Variants in CEP128 observed in about 807,000 individuals in gnomAD.
CEP128 encodes centrosomal protein 128kDa.
Under a neutral mutation model 156.7 loss-of-function variants are expected in CEP128, and 132 were observed. The observed-to-expected ratio is 0.84, with a 90% confidence interval of 0.73 to 0.97. The LOEUF is 0.97. CEP128 is among the 50% of genes least tolerant of loss of function. CEP128 has a pLI of 0.00. For missense variants in CEP128, 1,252 were observed against 1,281.9 expected, an observed-to-expected ratio of 0.98 and a Z score of 0.36; for synonymous variants, 469 against 448.9, an observed-to-expected ratio of 1.04 and a Z score of -0.57.
intron 23 of CEP128, among the ~76,000 whole-genome samples, chr14:80,522,078 C>A (rs1389693664): frequency 6.6e-6 from 1 of 152,114 alleles, no homozygotes; most frequent in Non-Finnish European, 1.5e-5. Flanking sequence ...CCCATGGTTG[C>A]CACTACTATT....
chr14:80,913,722 G>T (rs7147306), intron 4 of CEP128, among the ~76,000 whole-genome samples: 57,975 of 151,040 alleles, frequency 0.38, 11,386 homozygotes, highest in South Asian at 0.52. Context: ...ACTCAGAAGG[G>T]ACGCAAAGGT....
At chr14:80,772,750 G>A (rs1900582501) in intron 16 of CEP128, among the ~76,000 whole-genome samples, 1 of 152,102 alleles carries the variant, frequency 6.6e-6, no homozygotes, top group African/African-American at 2.4e-5. Flanking sequence ...AGGTTTCAGT[G>A]TGCATGGCAG....
intron 19 of CEP128, among the ~76,000 whole-genome samples, chr14:80,619,196 A>G (rs1566814883): frequency 6.6e-6 from 1 of 152,198 alleles, no homozygotes; most frequent in South Asian, 2.1e-4. Flanking sequence ...AACCCAAATT[A>G]TGTGAAATCC....
intron 21 of CEP128, among the ~76,000 whole-genome samples, chr14:80,535,602 T>C (rs960238784): frequency 9.4e-5 from 14 of 148,766 alleles, no homozygotes; most frequent in Admixed American, 8.0e-4. Flanking sequence ...CGCGCACGCA[T>C]ACATGCACAC....
Position 80,597,678 on chromosome 14 carries a change from T to G in CEP128, c.2807-17255A>C, listed in dbSNP as rs1044697385. Reference sequence around the variant, plus strand: ...AAAAACCGCAGCTTTCTCCTGAGCATAGAAAACACATCTTTTTTAAATAAT... The same window carrying G: ...AAAAACCGCAGCTTTCTCCTGAGCAGAGAAAACACATCTTTTTTAAATAAT... On this transcript the variant is annotated intron_variant, in intron 19 of 24. Coordinates refer to ENST00000555265, the MANE Select transcript of CEP128 (RefSeq NM_152446.5). Among the ~76,000 whole-genome samples the G allele has an allele frequency of 7.9e-5, 12 of 151,092 alleles. No homozygotes were observed. In the East Asian group the frequency reaches 2.3e-3, roughly 29 times the overall value.
intron 20 of CEP128, among the ~76,000 whole-genome samples, chr14:80,573,476 T>C (rs1227453811): frequency 1.3e-5 from 2 of 152,196 alleles, no homozygotes; most frequent in Non-Finnish European, 2.9e-5. Context: ...AATGACCTAG[T>C]CAATCAACTT....
intron 8 of CEP128, among the ~76,000 whole-genome samples, chr14:80,880,878 A>G (rs1013297087): frequency 7.7e-6 from 1 of 130,290 alleles, no homozygotes; most frequent in African/African-American, 3.2e-5. Context: ...TAATAATAAT[A>G]ATAATAATAA....
intron 1 of CEP128, among the ~76,000 whole-genome samples, chr14:80,940,918 T>C (rs1886116881): frequency 6.6e-6 from 1 of 152,228 alleles, no homozygotes; most frequent in Non-Finnish European, 1.5e-5. Flanking sequence ...TGCCAGGCAC[T>C]GTGCTAGATA....
intron 13 of CEP128, among the ~76,000 whole-genome samples, chr14:80,809,146 T>G (rs1208341971): frequency 6.6e-6 from 1 of 151,892 alleles, no homozygotes; most frequent in Non-Finnish European, 1.5e-5. Flanking sequence ...GGGATATAAA[T>G]GAGAAACGTA....
At chr14:80,708,323 T>TA (rs1566869374) in intron 19 of CEP128, among the ~76,000 whole-genome samples, 1 of 152,308 alleles carries the variant, frequency 6.6e-6, no homozygotes, top group East Asian at 1.9e-4. Flanking sequence ...TTTGCATTCC[T>TA]ACAAGCAATG....
At chr14:80,731,560 G>A (rs1040260121) in intron 19 of CEP128, among the ~76,000 whole-genome samples, 1 of 152,104 alleles carries the variant, frequency 6.6e-6, no homozygotes, top group Non-Finnish European at 1.5e-5. Flanking sequence ...AAAATGTGAT[G>A]TAACTAAAAA....
intron 7 of CEP128, among the ~76,000 whole-genome samples, chr14:80,899,666 T>C (rs1883417049): frequency 6.6e-6 from 1 of 152,306 alleles, no homozygotes; most frequent in South Asian, 2.1e-4. Context: ...AATCTACCTC[T>C]TTGCAAAAGT....
chr14:80,606,181 T>C (rs1892770840), intron 19 of CEP128, among the ~76,000 whole-genome samples: 1 of 152,052 alleles, frequency 6.6e-6, no homozygotes, highest in Non-Finnish European at 1.5e-5. Context: ...CATTAACAAA[T>C]TGTCATATTA....
At chr14:80,808,896 TG>T (rs979801515) in intron 13 of CEP128, among the ~76,000 whole-genome samples, 1 of 151,968 alleles carries the variant, frequency 6.6e-6, no homozygotes, top group African/African-American at 2.4e-5. Flanking sequence ...TTCAAAAAGT[TG>T]GAAAAAAACA....
intron 19 of CEP128, among the ~76,000 whole-genome samples, chr14:80,591,119 C>T (rs982979517): frequency 1.3e-5 from 2 of 152,140 alleles, no homozygotes; most frequent in Non-Finnish European, 2.9e-5. Context: ...AAATAAACAG[C>T]TAGCATCATA....
intron 19 of CEP128, among the ~76,000 whole-genome samples, chr14:80,628,579 C>T (rs184867559): frequency 2.6e-5 from 4 of 152,246 alleles, no homozygotes; most frequent in East Asian, 3.9e-4. Context: ...AAAAAGCGTC[C>T]GCACAACTAC....
downstream of CEP128, among the ~76,000 whole-genome samples, chr14:80,487,476 A>G (rs1887193216): frequency 6.6e-6 from 1 of 152,196 alleles, no homozygotes; most frequent in African/African-American, 2.4e-5. Context: ...ACGAGACAGA[A>G]AGTTAACAAG....
intron 16 of CEP128, among the ~76,000 whole-genome samples, chr14:80,765,888 AAGGCTGAGGCCT>A (rs1365481275): frequency 2.6e-5 from 4 of 152,214 alleles, no homozygotes; most frequent in Non-Finnish European, 4.4e-5. Flanking sequence ...AAATGCTAGA[AAGGCTGAGGCCT>A]TAACATTAGA....
At chr14:80,828,486 T>A (rs965522133) in intron 13 of CEP128, among the ~76,000 whole-genome samples, 1 of 152,222 alleles carries the variant, frequency 6.6e-6, no homozygotes, top group South Asian at 2.1e-4. Flanking sequence ...AAAGGGGGCA[T>A]AAGAATATTA....
Sources: gnomAD v4.1 joint callset for allele counts (sites outside exome capture counted in the v4.1 genomes callset) on GRCh38, gnomAD v4.1.1 for gene constraint, MANE v1.5 for transcripts, NCBI Gene and HGNC (gene_info 2026-07-23, HGNC 2026-07-21) for gene names.